Variants in ROR1 observed in about 807,000 individuals in gnomAD.
ROR1 encodes inactive tyrosine-protein kinase transmembrane receptor ROR1.
A neutral mutation model predicts 78.8 loss-of-function variants in ROR1; 19 were observed. The observed-to-expected ratio is 0.24, with a 90% CI of 0.17 to 0.35. The LOEUF is 0.35. ROR1 is among the 10% of genes least tolerant of loss of function. The probability of loss-of-function intolerance (pLI) is 1.00; values close to 1 mark genes in which losing one functional copy is unlikely to be tolerated. For missense variants in ROR1, 917 were observed against 1,177.8 expected (o/e 0.78, Z 3.24); for synonymous variants, 386 against 433.6 (o/e 0.89, Z 1.36).
chr1:63,799,067 T>G (rs941789155), intron 1 of ROR1, among the ~76,000 whole-genome samples: 1 of 152,092 alleles, frequency 6.6e-6, no homozygotes, highest in African/African-American at 2.4e-5. Context: ...TAAATACTTT[T>G]GCTTAATGTT....
At chr1:63,906,515 C>T (rs142634143) in intron 1 of ROR1, among the ~76,000 whole-genome samples, 188 of 152,258 alleles carry the variant, frequency 1.2e-3, no homozygotes, top group Non-Finnish European at 2.0e-3. Flanking sequence ...TGTCAGTTCC[C>T]GTAACCCCTC....
intron 4 of ROR1, among the ~76,000 whole-genome samples, chr1:64,058,701 A>G (rs1014046877): frequency 4.6e-5 from 7 of 151,792 alleles, no homozygotes; most frequent in Admixed American, 1.3e-4. Context: ...GCCATGGTAT[A>G]TAATTTCTTC....
chr1:64,126,872 G>A (rs1418291569), intron 4 of ROR1, among the ~76,000 whole-genome samples: 2 of 152,064 alleles, frequency 1.3e-5, no homozygotes, highest in African/African-American at 4.8e-5. Context: ...TGCCTGGGAG[G>A]GATCTTTTTC....
chr1:63,851,278 G>A (rs1199115444), intron 1 of ROR1, among the ~76,000 whole-genome samples: 2 of 152,072 alleles, frequency 1.3e-5, no homozygotes, highest in Non-Finnish European at 2.9e-5. Context: ...GCGCCCGGCC[G>A]CTTTTTGGGT....
In ROR1 at chr1:63,993,114, G is replaced by A. The variant is rs1013110255; in HGVS notation, c.92-16191G>A. Among the ~76,000 whole-genome samples, 55 of 152,036 alleles carry A rather than the reference G, an allele frequency of 3.6e-4. 1 individual carries two copies. The highest frequency in any genetic ancestry group is 1.6e-4 in the Non-Finnish European group (11 of 68,014). On this transcript the variant is annotated intron_variant, in intron 1 of 8. Coordinates refer to ENST00000371079, the MANE Select transcript of ROR1 (RefSeq NM_005012.4). ...TCCCCAAATTAGTATGGCTCCCTGG[G>A]GCAGAAAAATCTTTTGTCTACATTT...
intron 1 of ROR1, among the ~76,000 whole-genome samples, chr1:63,859,912 A>AT (rs1384193427): frequency 3.9e-5 from 6 of 152,146 alleles, no homozygotes; most frequent in Admixed American, 6.5e-5. Context: ...TACTCCTGTG[A>AT]TTTTATGAAA....
At chr1:64,000,275 A>G (rs11808578) in intron 1 of ROR1, among the ~76,000 whole-genome samples, 2,277 of 152,296 alleles carry the variant, frequency 0.015, 63 homozygotes, top group African/African-American at 0.052. Flanking sequence ...CTGAAAGGAA[A>G]TGAAATGGAA....
intron 1 of ROR1, among the ~76,000 whole-genome samples, chr1:64,003,238 C>A (rs1446471621): frequency 2.0e-5 from 3 of 151,618 alleles, no homozygotes; most frequent in African/African-American, 7.3e-5. Flanking sequence ...TATAACAATA[C>A]AAATAATAGC....
chr1:63,963,789 G>A (rs925613744), intron 1 of ROR1, among the ~76,000 whole-genome samples: 2 of 151,982 alleles, frequency 1.3e-5, no homozygotes, highest in African/African-American at 4.8e-5. Flanking sequence ...AAGGTGAAGA[G>A]GAAGAACCTT....
intron 1 of ROR1, among the ~76,000 whole-genome samples, chr1:63,928,727 A>C (rs1009314363): frequency 2.0e-5 from 3 of 152,160 alleles, no homozygotes; most frequent in Admixed American, 6.6e-5. Context: ...TCTGTAAAAT[A>C]AGGATGTTAA....
At chr1:63,833,718 G>A (rs1238378773) in intron 1 of ROR1, among the ~76,000 whole-genome samples, 1 of 151,842 alleles carries the variant, frequency 6.6e-6, no homozygotes, top group Non-Finnish European at 1.5e-5. Flanking sequence ...GCTGATCAGA[G>A]TAAATTTCAG....
intron 1 of ROR1, among the ~76,000 whole-genome samples, chr1:63,964,405 G>A (rs554015460): frequency 3.5e-4 from 54 of 152,244 alleles, no homozygotes; most frequent in African/African-American, 1.3e-3. Flanking sequence ...ACCTACATAT[G>A]TATATGTGTG....
chr1:63,883,396 A>G (rs1557542882), intron 1 of ROR1, among the ~76,000 whole-genome samples: 1 of 149,904 alleles, frequency 6.7e-6, no homozygotes, highest in Non-Finnish European at 1.5e-5. Flanking sequence ...TTGTAATCTT[A>G]AAAGTCCTCT....
intron 4 of ROR1, among the ~76,000 whole-genome samples, chr1:64,060,135 G>A (rs184967672): frequency 1.2e-3 from 180 of 151,706 alleles, no homozygotes; most frequent in African/African-American, 3.8e-3. Flanking sequence ...ATCTTCTGTG[G>A]TCTCCTGCAG....
Position 64,178,046 on chromosome 1 carries a change from T to C in ROR1, c.2005T>C (p.Phe669Leu), listed in dbSNP as rs765369536. The part of the protein sequence containing the change: ...MPPEAIMYGK[F>L]SSDSDIWSFG... ...CCCTGAAGCCATCATGTATGGCAAA[T>C]TCTCTTCTGATTCAGATATCTGGTC... The change falls in exon 9 of 9, where the codon TTC (phenylalanine) becomes CTC (leucine). Residue 669 changes from phenylalanine to leucine, a missense_variant. Physicochemically the swap from Phe to Leu is conservative, Grantham distance 22. Coordinates refer to ENST00000371079, the MANE Select transcript of ROR1 (RefSeq NM_005012.4). The surrounding 1 kb of genome is among the most constrained non-coding windows in gnomAD (Gnocchi z 4.3). 21 of 1,614,188 alleles carry C rather than the reference T, an allele frequency of 1.3e-5. No individual in the cohort carries two copies. In the South Asian group the frequency reaches 2.1e-4, roughly 16 times the overall value.
intron 1 of ROR1, among the ~76,000 whole-genome samples, chr1:63,851,675 G>A (rs961530891): frequency 1.3e-5 from 2 of 151,964 alleles, no homozygotes; most frequent in African/African-American, 4.8e-5. Flanking sequence ...TAATATTCTT[G>A]GAATAAAATA....
intron 8 of ROR1, among the ~76,000 whole-genome samples, chr1:64,164,267 A>G (rs1315194225): frequency 6.6e-6 from 1 of 152,188 alleles, no homozygotes; most frequent in Admixed American, 6.5e-5. Context: ...CCTGCCACCC[A>G]AAAGTCCATA....
In ROR1 at chr1:64,120,770, G is replaced by A. The variant is rs144957835; in HGVS notation, c.483-16599G>A. Among the ~76,000 whole-genome samples, 378 of 152,228 alleles carry A rather than the reference G, an allele frequency of 2.5e-3. 2 individuals are homozygous for A. The highest frequency in any genetic ancestry group is 3.0e-3 in the Non-Finnish European group (201 of 68,006). On this transcript the variant is annotated intron_variant, in intron 4 of 8. Transcript: ENST00000371079. ...TATATATTTCCTTTATTTGTTTATA[G>A]TCTACCTCCCAGTATTATTTAGGGT...
chr1:63,799,425 T>C (rs1644782017), intron 1 of ROR1, among the ~76,000 whole-genome samples: 1 of 152,214 alleles, frequency 6.6e-6, no homozygotes, highest in Admixed American at 6.5e-5. Context: ...TGGAACCTCC[T>C]TGGCGACAGA....
Sources: gnomAD v4.1 joint callset for allele counts (sites outside exome capture counted in the v4.1 genomes callset) on GRCh38, gnomAD v4.1.1 for gene constraint, Gnocchi (gnomAD v3.1) non-coding constraint, MANE v1.5 for transcripts, NCBI Gene and HGNC (gene_info 2026-07-23, HGNC 2026-07-21) for gene names.